The following HPSE2 variants were observed in gnomAD, a reference collection of about 807,000 sequenced individuals.
HPSE2 encodes inactive heparanase-2.
In HPSE2, 38 loss-of-function variants were observed where a neutral mutation model predicts 60.5. The ratio of observed to expected loss-of-function variants is 0.63; its 90% CI spans 0.48 to 0.82. The LOEUF (loss-of-function observed/expected upper bound fraction) is 0.82. Ranked by LOEUF, HPSE2 falls within the 40% of genes least tolerant of loss-of-function variation. The probability of loss-of-function intolerance (pLI) is 0.00; values close to 1 mark genes in which losing one functional copy is unlikely to be tolerated. For missense variants in HPSE2, 713 were observed against 740.4 expected, an observed-to-expected ratio of 0.96 and a Z score of 0.43; for synonymous variants, 295 against 293.2, an observed-to-expected ratio of 1.01 and a Z score of -0.06.
At chr10:99,136,325 G>T (rs1312009917) in intron 3 of HPSE2, among the ~76,000 whole-genome samples, 1 of 152,080 alleles carries the variant, frequency 6.6e-6, no homozygotes, top group Admixed American at 6.5e-5. Context: ...AGAGGAACAG[G>T]TACCATTCCT....
intron 11 of HPSE2, among the ~76,000 whole-genome samples, chr10:98,460,380 A>G (rs563244078): frequency 6.6e-6 from 1 of 152,030 alleles, no homozygotes; most frequent in African/African-American, 2.4e-5. Flanking sequence ...TAATCTCAGC[A>G]TTTTGGGAGG....
intron 9 of HPSE2, among the ~76,000 whole-genome samples, chr10:98,543,679 C>T (rs1943554692): frequency 6.6e-6 from 1 of 151,958 alleles, no homozygotes; most frequent in African/African-American, 2.4e-5. Context: ...GGTTGCAATC[C>T]TAGTCTCTGA....
chr10:98,952,446 C>T (rs1046455839), intron 3 of HPSE2, among the ~76,000 whole-genome samples: 9 of 151,492 alleles, frequency 5.9e-5, no homozygotes, highest in Non-Finnish European at 7.4e-5. Context: ...CATTTTAAAA[C>T]GGTAAATCCT....
At chr10:98,484,090 T>A (rs551373293) in intron 10 of HPSE2, among the ~76,000 whole-genome samples, 3 of 152,372 alleles carry the variant, frequency 2.0e-5, no homozygotes, top group Non-Finnish European at 4.4e-5. Context: ...TTTGTATTTT[T>A]AAAAATTAAT....
At chr10:99,041,608 C>G (rs577454828) in intron 3 of HPSE2, among the ~76,000 whole-genome samples, 34 of 152,300 alleles carry the variant, frequency 2.2e-4, no homozygotes, top group Admixed American at 1.7e-3. Flanking sequence ...CTAGCCTCAC[C>G]AACAACAGAG....
chr10:99,279,143 G>A, the HPSE2 span, among the ~76,000 whole-genome samples: 1 of 152,268 alleles, frequency 6.6e-6, no homozygotes, highest in South Asian at 2.1e-4. Flanking sequence ...CAACAGGGTT[G>A]CAATTGTTGT....
intron 3 of HPSE2, among the ~76,000 whole-genome samples, chr10:99,100,029 A>T (rs945716155): frequency 2.0e-5 from 3 of 152,178 alleles, no homozygotes; most frequent in Admixed American, 2.0e-4. Flanking sequence ...AGATAAAACC[A>T]CAAAGATGGG....
At chr10:98,622,436 T>G (rs979280960) in intron 7 of HPSE2, among the ~76,000 whole-genome samples, 3 of 152,226 alleles carry the variant, frequency 2.0e-5, no homozygotes, top group African/African-American at 7.2e-5. Context: ...AGTATTACGT[T>G]AATTTAATTC....
At chr10:99,122,284 AT>A (rs1309891857) in intron 3 of HPSE2, among the ~76,000 whole-genome samples, 58 of 152,030 alleles carry the variant, frequency 3.8e-4, no homozygotes, top group African/African-American at 1.4e-3. Flanking sequence ...TAATAAAGTT[AT>A]TTGCATTTAA....
chr10:99,219,995 AC>A lies in HPSE2; in HGVS notation c.448+12352del, dbSNP rs374881523. Among the ~76,000 whole-genome samples the A allele has an allele frequency of 1.3e-3, 202 of 152,362 alleles. 1 individual carries two copies. The highest frequency in any genetic ancestry group is 4.6e-3 in the African/African-American group (190 of 41,592). On this transcript the variant is annotated intron_variant, in intron 2 of 11. Transcript: ENST00000370552. ...TTAGCCAGGATTTCTTACAAATGACACAGTGATATACTATTTGAGCCAAAAA... is the reference window on the plus strand; with the variant it reads ...TTAGCCAGGATTTCTTACAAATGACAAGTGATATACTATTTGAGCCAAAAA...
intron 3 of HPSE2, among the ~76,000 whole-genome samples, chr10:98,944,518 T>A (rs1167390803): frequency 6.6e-6 from 1 of 152,192 alleles, no homozygotes; most frequent in Non-Finnish European, 1.5e-5. Flanking sequence ...GGACAAGCTA[T>A]TGGTAGCGCA....
intron 3 of HPSE2, among the ~76,000 whole-genome samples, chr10:98,915,364 G>C (rs1231086218): frequency 6.6e-6 from 1 of 151,894 alleles, no homozygotes; most frequent in African/African-American, 2.4e-5. Flanking sequence ...AGCCAGGATG[G>C]TCTTGATCTC....
chr10:99,261,966 C>T, the HPSE2 span, among the ~76,000 whole-genome samples: 5 of 152,216 alleles, frequency 3.3e-5, no homozygotes, highest in African/African-American at 1.2e-4. Context: ...ATCGGACTGT[C>T]CAACTCGCCT....
chr10:98,586,637 C>T lies in HPSE2; in HGVS notation c.1320+28267G>A, dbSNP rs146555968. On this transcript the variant is annotated intron_variant, in intron 9 of 11. Coordinates refer to ENST00000370552, the MANE Select transcript of HPSE2 (RefSeq NM_021828.5). ...GCTAACAAATGCTCTGATTCTGAGA[C>T]TCTTTGTAAAATAGGAGATTGCAAG... Among the ~76,000 whole-genome samples the T allele has an allele frequency of 5.4e-3, 822 of 152,272 alleles. 7 individuals carry two copies. The highest frequency in any genetic ancestry group is 0.019 in the African/African-American group (776 of 41,538).
chr10:98,751,608 T>C (rs1949760508), intron 3 of HPSE2, among the ~76,000 whole-genome samples: 1 of 152,212 alleles, frequency 6.6e-6, no homozygotes, highest in Non-Finnish European at 1.5e-5. Flanking sequence ...AATGGGTGCC[T>C]ATAGAACAGT....
chr10:98,827,814 G>A (rs756308891), intron 3 of HPSE2, among the ~76,000 whole-genome samples: 3 of 152,184 alleles, frequency 2.0e-5, no homozygotes, highest in Non-Finnish European at 4.4e-5. Flanking sequence ...CTAATTTTAT[G>A]TAGATCACAA....
At chr10:99,304,617 G>T in the HPSE2 span, among the ~76,000 whole-genome samples, 1 of 152,196 alleles carries the variant, frequency 6.6e-6, no homozygotes, top group African/African-American at 2.4e-5. Context: ...AAGGCAATAA[G>T]GAGTATCAGA....
intron 4 of HPSE2, among the ~76,000 whole-genome samples, chr10:98,740,098 T>C (rs1949458331): frequency 6.6e-6 from 1 of 152,104 alleles, no homozygotes; most frequent in Non-Finnish European, 1.5e-5. Flanking sequence ...ATATGTTATA[T>C]CCAAAGAAAG....
intron 3 of HPSE2, among the ~76,000 whole-genome samples, chr10:98,906,174 C>T (rs1275326615): frequency 6.6e-6 from 1 of 152,196 alleles, no homozygotes; most frequent in Non-Finnish European, 1.5e-5. Flanking sequence ...AGACCAATGT[C>T]TTCCTCTGCC....
Sources: allele counts gnomAD v4.1 joint callset (sites outside exome capture counted in the v4.1 genomes callset), GRCh38; gene constraint gnomAD v4.1.1; transcripts MANE v1.5; gene names NCBI Gene and HGNC (gene_info 2026-07-23, HGNC 2026-07-21).